Variants in PALM2AKAP2 observed in about 807,000 individuals in gnomAD.
The protein encoded by PALM2AKAP2 is PALM2 and AKAP2 fusion.
Under a neutral mutation model 71.5 loss-of-function variants are expected in PALM2AKAP2, and 37 were observed. The ratio of observed to expected loss-of-function variants is 0.52; its 90% CI spans 0.40 to 0.68. The LOEUF is 0.68. Among genes scored for constraint, PALM2AKAP2 ranks in the 30% least tolerant of loss-of-function variants. The pLI is 0.00. For missense variants in PALM2AKAP2, 1,224 were observed against 1,191.8 expected, an observed-to-expected ratio of 1.03 and a Z score of -0.40; for synonymous variants, 468 against 478.8, an observed-to-expected ratio of 0.98 and a Z score of 0.29.
At chr9:109,846,010 A>G (rs375853184) in intron 1 of PALM2AKAP2, among the ~76,000 whole-genome samples, 1 of 152,350 alleles carries the variant, frequency 6.6e-6, no homozygotes, top group East Asian at 1.9e-4. Context: ...ATAAGCACAA[A>G]TAAGCAGAGA....
intron 5 of PALM2AKAP2, 108 bp from the exon 6 acceptor site, chr9:109,931,819 C>A: frequency 1.6e-6 from 2 of 1,237,444 alleles, no homozygotes; most frequent in Non-Finnish European, 2.3e-6. Context: ...TGTTCAGTGG[C>A]CGCCTCAGCG....
chr9:109,904,991 G>A (rs563400075), intron 3 of PALM2AKAP2, among the ~76,000 whole-genome samples: 92 of 152,244 alleles, frequency 6.0e-4, no homozygotes, highest in African/African-American at 2.1e-3. Context: ...TGATCCCTGC[G>A]TGTGAATCAT....
At chr9:109,902,871 A>G (rs1830360646) in intron 3 of PALM2AKAP2, among the ~76,000 whole-genome samples, 1 of 152,204 alleles carries the variant, frequency 6.6e-6, no homozygotes. Flanking sequence ...GAGAACATGA[A>G]GGAGCAAGTG....
chr9:110,072,191 G>A (rs576397318), intron 1 of PALM2AKAP2, among the ~76,000 whole-genome samples: 3 of 152,294 alleles, frequency 2.0e-5, no homozygotes, highest in Non-Finnish European at 1.5e-5. Context: ...AAAATGAGGG[G>A]GAGGAGAGGG....
At chr9:110,063,594 C>T (rs529867213) in intron 1 of PALM2AKAP2, among the ~76,000 whole-genome samples, 1 of 150,404 alleles carries the variant, frequency 6.6e-6, no homozygotes, top group East Asian at 1.9e-4. Context: ...TGCCCACCAC[C>T]ACGCCCAGCT....
chr9:110,138,399 T>C (rs1296094825), exon 2 of PALM2AKAP2: 1 of 1,614,024 alleles, frequency 6.2e-7, no homozygotes, highest in Non-Finnish European at 8.5e-7. Flanking sequence ...ACTTTGTCCA[T>C]GATTGAGGAA....
chr9:110,156,648 T>A, intron 3 of PALM2AKAP2, 151 bp downstream of exon 9: 1 of 1,212,658 alleles, frequency 8.2e-7, no homozygotes, highest in Non-Finnish European at 1.1e-6. Flanking sequence ...TTCACATGCC[T>A]GGAACTGGGT....
chr9:109,784,243 C>T (rs536200032), intron 1 of PALM2AKAP2, among the ~76,000 whole-genome samples: 13 of 152,244 alleles, frequency 8.5e-5, no homozygotes, highest in Admixed American at 3.3e-4. Flanking sequence ...TTTCACCTAA[C>T]GTTATTTATA....
intron 6 of PALM2AKAP2, among the ~76,000 whole-genome samples, chr9:109,968,288 G>A (rs951515686): frequency 6.6e-6 from 1 of 152,184 alleles, no homozygotes; most frequent in Admixed American, 6.5e-5. Flanking sequence ...ATAGGCTGTG[G>A]AAGGCCTGGA....
intron 1 of PALM2AKAP2, among the ~76,000 whole-genome samples, chr9:109,824,476 T>G (rs1828091058): frequency 6.6e-6 from 1 of 152,214 alleles, no homozygotes; most frequent in African/African-American, 2.4e-5. Flanking sequence ...TCCAAAGTCT[T>G]GGCTATCATT....
chr9:109,733,048 A>G (rs1022875261), intron 1 of PALM2AKAP2, among the ~76,000 whole-genome samples: 5 of 152,164 alleles, frequency 3.3e-5, no homozygotes, highest in African/African-American at 1.2e-4. Context: ...AGGGGTTCAG[A>G]TTATATTCTA....
rs1834117695 is a variant in PALM2AKAP2, at chr9:110,067,926, G to GGCTAATT, written c.156+19071_156+19072insGCTAATT. 1.4e-5 allele frequency among the ~76,000 whole-genome samples: 2 copies of GGCTAATT among 142,020 alleles called. 1 individual carries two copies. Among genetic ancestry groups the GGCTAATT allele is most frequent in the African/African-American group, 6.2e-5 (2 of 32,464 alleles). 93.2% of individuals were successfully genotyped at this position (142,020 alleles called of 152,430 possible). A position where few individuals can be genotyped will look rare whatever the true frequency, so the allele number is the denominator to read the frequency against. On this transcript the variant is annotated intron_variant, in intron 1 of 3. Transcript: ENST00000374525. Reference sequence around the variant, plus strand: ...TGAAACTTGGAGGTTAATTTTGTCTGTTTAAATTTTGATGCTTTCATTTTG... The same window carrying GGCTAATT: ...TGAAACTTGGAGGTTAATTTTGTCTGGCTAATTTTTAAATTTTGATGCTTTCATTTTG...
Position 110,058,898 on chromosome 9 carries a change from G to GTTTTT in PALM2AKAP2, c.156+10059_156+10063dup, listed in dbSNP as rs202140304. Among the ~76,000 whole-genome samples the GTTTTT allele has an allele frequency of 3.3e-3, 364 of 111,700 alleles. 7 individuals are homozygous for GTTTTT. The highest frequency in any genetic ancestry group is 4.2e-3 in the Non-Finnish European group (241 of 57,550). The allele number at this position is 111,700 out of a possible 152,430, so 73.3% of individuals were successfully genotyped here. ...TTGTATACTGATGGAAAGTTTTTTG[G>GTTTTT]TTTTTTTTTTTTTTTTTTTTGAGAT... On this transcript the variant is annotated intron_variant, in intron 1 of 3. Transcript: ENST00000374525.
intron 1 of PALM2AKAP2, among the ~76,000 whole-genome samples, chr9:109,811,025 A>G (rs914268490): frequency 6.6e-6 from 1 of 152,114 alleles, no homozygotes; most frequent in African/African-American, 2.4e-5. Context: ...ATTTGAGGAG[A>G]GAAGAGAAGG....
intron 6 of PALM2AKAP2, among the ~76,000 whole-genome samples, chr9:109,989,182 G>C (rs1174957037): frequency 6.6e-6 from 1 of 152,196 alleles, no homozygotes; most frequent in African/African-American, 2.4e-5. Context: ...ATTGAATCTG[G>C]AGCGAAAAGG....
chr9:109,887,614 T>C (rs978664427), intron 3 of PALM2AKAP2, among the ~76,000 whole-genome samples: 1 of 152,038 alleles, frequency 6.6e-6, no homozygotes, highest in African/African-American at 2.4e-5. Context: ...CTTGTAATAC[T>C]CCCATGAGGT....
chr9:109,939,151 C>T (rs1432411594), intron 6 of PALM2AKAP2, among the ~76,000 whole-genome samples: 1 of 152,300 alleles, frequency 6.6e-6, no homozygotes, highest in Non-Finnish European at 1.5e-5. Flanking sequence ...TCATTTACCA[C>T]CACAAAATAC....
intron 1 of PALM2AKAP2, among the ~76,000 whole-genome samples, chr9:110,105,741 G>A (rs530567157): frequency 1.3e-5 from 2 of 152,042 alleles, no homozygotes; most frequent in Admixed American, 6.6e-5. Context: ...TTTTTAATGT[G>A]AGTGGACATA....
chr9:110,110,392 C>A (rs949011237), intron 1 of PALM2AKAP2, among the ~76,000 whole-genome samples: 3 of 152,038 alleles, frequency 2.0e-5, no homozygotes, highest in Admixed American at 2.0e-4. Flanking sequence ...CCAGAGCAAA[C>A]CACAGTGGCA....
Sources: gnomAD v4.1 joint callset for allele counts (sites outside exome capture counted in the v4.1 genomes callset) on GRCh38, gnomAD v4.1.1 for gene constraint, MANE v1.5 for transcripts, NCBI Gene and HGNC (gene_info 2026-07-23, HGNC 2026-07-21) for gene names.